The following TBL1XR1 variants were observed in gnomAD, a reference collection of about 807,000 sequenced individuals.
The protein encoded by TBL1XR1 is F-box-like/WD repeat-containing protein TBL1XR1.
A neutral mutation model predicts 66.9 loss-of-function variants in TBL1XR1; 5 were observed. The ratio of observed to expected loss-of-function variants is 0.07; its 90% CI spans 0.04 to 0.16. The LOEUF (loss-of-function observed/expected upper bound fraction) is 0.16, where lower values mean the gene tolerates loss of function less well. Ranked by LOEUF, TBL1XR1 falls within the 10% of genes least tolerant of loss-of-function variation. TBL1XR1 has a pLI of 1.00. For missense variants in TBL1XR1, 238 were observed against 623.2 expected (o/e 0.38, Z 6.58); for synonymous variants, 210 against 206.0 (o/e 1.02, Z -0.17).
At chr3:177,026,001 A>G (rs963423575) in intron 15 of TBL1XR1, 1 of 288,148 alleles carries the variant, frequency 3.5e-6, no homozygotes, top group Non-Finnish European at 6.4e-6. Flanking sequence ...ACAGGAACCA[A>G]CTGCCTCTAG....
At chr3:177,168,960 CTAGT>C (rs1290972006) in intron 1 of TBL1XR1, among the ~76,000 whole-genome samples, 10 of 152,120 alleles carry the variant, frequency 6.6e-5, no homozygotes, top group Non-Finnish European at 1.5e-5. Flanking sequence ...CAACTACCCT[CTAGT>C]CAGTCATCTT....
intron 2 of TBL1XR1, among the ~76,000 whole-genome samples, chr3:177,083,779 T>C (rs1025163465): frequency 6.6e-6 from 1 of 152,158 alleles, no homozygotes; most frequent in African/African-American, 2.4e-5. Flanking sequence ...TTTTTTGTTT[T>C]TGTTTTTGTT....
intron 1 of TBL1XR1, among the ~76,000 whole-genome samples, chr3:177,172,717 AAGCCG>A (rs1322758843): frequency 7.4e-6 from 1 of 135,118 alleles, no homozygotes; most frequent in African/African-American, 2.7e-5. Context: ...GAGAAGAGCC[AAGCCG>A]AGCCAAGCCA....
intron 1 of TBL1XR1, among the ~76,000 whole-genome samples, chr3:177,104,117 A>AG (rs1491129027): frequency 3.3e-5 from 3 of 91,690 alleles, no homozygotes; most frequent in Non-Finnish European, 6.9e-5. Context: ...CTCGGTCTCC[A>AG]AAAAAAAAAA....
At chr3:177,095,666 G>C (rs1025852946) in intron 2 of TBL1XR1, among the ~76,000 whole-genome samples, 1 of 152,030 alleles carries the variant, frequency 6.6e-6, no homozygotes, top group African/African-American at 2.4e-5. Context: ...TTTTAGTAGA[G>C]ATGGGGTTTC....
chr3:177,082,818 C>A (rs1342610753), intron 2 of TBL1XR1, among the ~76,000 whole-genome samples: 2 of 142,910 alleles, frequency 1.4e-5, no homozygotes, highest in Non-Finnish European at 3.0e-5. Context: ...GGCAGTGGCA[C>A]CATCTGGGCT....
intron 1 of TBL1XR1, among the ~76,000 whole-genome samples, chr3:177,113,454 T>G (rs922565243): frequency 1.3e-5 from 2 of 152,048 alleles, no homozygotes; most frequent in Non-Finnish European, 2.9e-5. Context: ...GAGAAAATAT[T>G]TGCAAATTAT....
At chr3:177,150,589 T>C (rs1030363584) in intron 1 of TBL1XR1, among the ~76,000 whole-genome samples, 1 of 152,240 alleles carries the variant, frequency 6.6e-6, no homozygotes, top group Admixed American at 6.5e-5. Flanking sequence ...ATTCAGGTAC[T>C]GTTTTTCCAT....
chr3:177,061,536 G>C (rs1274214158), intron 3 of TBL1XR1, among the ~76,000 whole-genome samples: 1 of 152,166 alleles, frequency 6.6e-6, no homozygotes. Context: ...GGAAATTTTA[G>C]TTTTGCTTTT....
intron 2 of TBL1XR1, among the ~76,000 whole-genome samples, chr3:177,072,952 T>C (rs773843378): frequency 1.1e-4 from 16 of 152,022 alleles, no homozygotes; most frequent in African/African-American, 2.2e-4. Flanking sequence ...TAATCTCAGC[T>C]ACTTGGGGGG....
At chr3:177,050,348 G>T in intron 6 of TBL1XR1, 130 bp downstream of exon 6, 1 of 1,301,524 alleles carries the variant, frequency 7.7e-7, no homozygotes, top group Non-Finnish European at 1.0e-6. Flanking sequence ...ACTTCATGAA[G>T]GAATAAAAAA....
chr3:177,042,561 T>C (rs1187023367), intron 10 of TBL1XR1, among the ~76,000 whole-genome samples: 1 of 152,196 alleles, frequency 6.6e-6, no homozygotes, highest in East Asian at 1.9e-4. Context: ...GCTTATAGAT[T>C]GATGTAATCA....
intron 2 of TBL1XR1, among the ~76,000 whole-genome samples, chr3:177,070,966 T>G (rs1467051646): frequency 6.6e-6 from 1 of 151,550 alleles, no homozygotes; most frequent in Non-Finnish European, 1.5e-5. Context: ...AGAAAGCTAA[T>G]GAGACTTTAT....
intron 2 of TBL1XR1, among the ~76,000 whole-genome samples, chr3:177,087,689 CA>C (rs1164314823): frequency 3.0e-5 from 4 of 135,534 alleles, no homozygotes; most frequent in Admixed American, 2.4e-4. Context: ...CTGTCTCAAG[CA>C]AAATTTTTTT....
chr3:177,070,474 T>A (rs2108562134), intron 2 of TBL1XR1, among the ~76,000 whole-genome samples: 1 of 152,300 alleles, frequency 6.6e-6, no homozygotes, highest in African/African-American at 2.4e-5. Flanking sequence ...GTACATATTT[T>A]CAATAACTAA....
intron 1 of TBL1XR1, among the ~76,000 whole-genome samples, chr3:177,193,638 A>T (rs1736451671): frequency 1.3e-5 from 2 of 152,156 alleles, no homozygotes; most frequent in Non-Finnish European, 2.9e-5. Context: ...GGTGCTAGGG[A>T]ATTCAGCACA....
chr3:177,198,503 G>C (rs1483598385), upstream of TBL1XR1, among the ~76,000 whole-genome samples: 1 of 152,228 alleles, frequency 6.6e-6, no homozygotes, highest in Admixed American at 6.5e-5. Flanking sequence ...ACTTAGATGA[G>C]TGATAATGTG....
Position 177,034,208 on chromosome 3 carries a change from T to C in TBL1XR1, c.1240A>G (p.Met414Val). 1 of 1,601,898 alleles carries C rather than the reference T, an allele frequency of 6.2e-7. No homozygotes were observed. The highest frequency in any genetic ancestry group is 8.5e-7 in the Non-Finnish European group (1 of 1,177,028). Reference sequence around the variant, plus strand: ...AAACAGAAGTATCACCTTGCTAACATAAGGTTGGCATTTGGATTATTAGTC... The same window carrying C: ...AAACAGAAGTATCACCTTGCTAACACAAGGTTGGCATTTGGATTATTAGTC... ...PGTNNPNANL[M>V]LASASFDSTV... The change falls in exon 13 of 16, where the codon ATG (methionine) becomes GTG (valine). Residue 414 changes from methionine (M) to valine (V), a missense_variant. Around this residue, in one of 8 missense-constraint regions of TBL1XR1, gnomAD observed 89 missense variants for 220.2 expected, o/e 0.40. Coordinates refer to ENST00000457928, the MANE Select transcript of TBL1XR1 (RefSeq NM_024665.7).
chr3:177,071,305 T>C lies in TBL1XR1; in HGVS notation c.-45-6283A>G, dbSNP rs147761003. ...TAATCACCTGAATAGATAGGAACTCTGCTTAAAACTCAAATATTATAGGAA... is the reference window on the plus strand; with the variant it reads ...TAATCACCTGAATAGATAGGAACTCCGCTTAAAACTCAAATATTATAGGAA... On this transcript the variant is annotated intron_variant, in intron 2 of 15. Transcript: ENST00000457928. Among the ~76,000 whole-genome samples the C allele has an allele frequency of 2.7e-3, 414 of 152,286 alleles. 3 individuals carry two copies. Among genetic ancestry groups the C allele is most frequent in the African/African-American group, 9.5e-3 (395 of 41,532 alleles).
Sources: gnomAD v4.1 joint callset for allele counts (sites outside exome capture counted in the v4.1 genomes callset) on GRCh38, gnomAD v4.1.1 for gene constraint, gnomAD v4.1.1 regional missense constraint, MANE v1.5 for transcripts, NCBI Gene and HGNC (gene_info 2026-07-23, HGNC 2026-07-21) for gene names.